PIP5K1B: variants seen among roughly 807,000 people sequenced by gnomAD.
PIP5K1B encodes the protein phosphatidylinositol 4-phosphate 5-kinase type-1 beta.
A neutral mutation model predicts 67.0 loss-of-function variants in PIP5K1B; 42 were observed. The observed-to-expected ratio is 0.63, with a 90% CI of 0.49 to 0.81. The LOEUF (loss-of-function observed/expected upper bound fraction) is 0.81, where lower values mean the gene tolerates loss of function less well. PIP5K1B is among the 30% of genes least tolerant of loss of function. PIP5K1B has a pLI of 0.00. For synonymous variants in PIP5K1B, 214 were observed against 231.4 expected, an observed-to-expected ratio of 0.92 and a Z score of 0.68; for missense variants, 459 against 646.3, an observed-to-expected ratio of 0.71 and a Z score of 3.14.
At chr9:69,003,466 T>TTAA (rs1554755635) in intron 15 of PIP5K1B, among the ~76,000 whole-genome samples, 1 of 16,516 alleles carries the variant, frequency 6.1e-5, no homozygotes, top group Non-Finnish European at 1.6e-4. Flanking sequence ...TAATTATAGT[T>TTAA]AAAAAAAAAA....
intron 2 of PIP5K1B, among the ~76,000 whole-genome samples, chr9:68,793,129 A>ATGTGTAT (rs6151015): frequency 6.6e-6 from 1 of 151,978 alleles, no homozygotes; most frequent in Non-Finnish European, 1.5e-5. Flanking sequence ...CATATAGTGT[A>ATGTGTAT]AGGAACAGGA....
intron 3 of PIP5K1B, among the ~76,000 whole-genome samples, chr9:68,820,861 G>A (rs1236976681): frequency 6.6e-6 from 1 of 152,198 alleles, no homozygotes; most frequent in Non-Finnish European, 1.5e-5. Flanking sequence ...CACATTTGAA[G>A]ATCAGATCTC....
intron 2 of PIP5K1B, among the ~76,000 whole-genome samples, chr9:68,793,687 A>G (rs570186373): frequency 3.3e-5 from 5 of 152,282 alleles, no homozygotes; most frequent in Non-Finnish European, 7.4e-5. Flanking sequence ...GGTGAGTGGC[A>G]TTAGCTGCTG....
intron 14 of PIP5K1B, among the ~76,000 whole-genome samples, chr9:68,944,067 T>A: frequency 6.6e-6 from 1 of 152,236 alleles, no homozygotes; most frequent in Middle Eastern, 3.2e-3. Flanking sequence ...TAGTATCATC[T>A]TAAAAGTATG....
chr9:68,882,560 T>C (rs939430431), intron 6 of PIP5K1B, among the ~76,000 whole-genome samples: 7 of 152,196 alleles, frequency 4.6e-5, no homozygotes, highest in African/African-American at 1.4e-4. Flanking sequence ...GAGACTTTAA[T>C]TGGGAGCAGA....
intron 6 of PIP5K1B, among the ~76,000 whole-genome samples, chr9:68,881,208 G>A (rs1306032608): frequency 6.6e-6 from 1 of 152,154 alleles, no homozygotes; most frequent in Non-Finnish European, 1.5e-5. Flanking sequence ...GAGAATCACA[G>A]ACCTCTTACC....
At chr9:68,780,166 T>A in intron 2 of PIP5K1B, 1 of 1,512,992 alleles carries the variant, frequency 6.6e-7, no homozygotes, top group Non-Finnish European at 8.8e-7. Flanking sequence ...GCCCCCGACA[T>A]GGCTCAGGAG....
chr9:68,719,209 TTACTA>T (rs1488572453), intron 1 of PIP5K1B, among the ~76,000 whole-genome samples: 1 of 152,222 alleles, frequency 6.6e-6, no homozygotes. Flanking sequence ...GATAATGTGT[TTACTA>T]TATTATGGTC....
chr9:68,942,949 A>C (rs1827635885), intron 14 of PIP5K1B, among the ~76,000 whole-genome samples: 1 of 152,178 alleles, frequency 6.6e-6, no homozygotes, highest in South Asian at 2.1e-4. Flanking sequence ...CCAGGCTGGC[A>C]CCAGGAAATC....
intron 2 of PIP5K1B, among the ~76,000 whole-genome samples, chr9:68,796,253 ATT>A (rs927106356): frequency 6.6e-6 from 1 of 151,746 alleles, no homozygotes; most frequent in African/African-American, 2.4e-5. Context: ...GTTGCATGTT[ATT>A]TTTTTCTGTG....
intron 6 of PIP5K1B, among the ~76,000 whole-genome samples, chr9:68,877,896 A>G (rs191983059): frequency 9.4e-4 from 143 of 152,274 alleles, no homozygotes; most frequent in African/African-American, 3.1e-3. Context: ...TCCCTAGCAT[A>G]CTGCTGCCCT....
intron 14 of PIP5K1B, among the ~76,000 whole-genome samples, chr9:68,972,721 G>A (rs1428609101): frequency 6.6e-6 from 1 of 152,142 alleles, no homozygotes; most frequent in Non-Finnish European, 1.5e-5. Flanking sequence ...AATGCTGGTT[G>A]TTAAGCCTTT....
At chr9:68,992,769 G>A (rs1253741500) in intron 15 of PIP5K1B, among the ~76,000 whole-genome samples, 1 of 147,044 alleles carries the variant, frequency 6.8e-6, no homozygotes, top group African/African-American at 2.5e-5. Flanking sequence ...GCACCTGGGA[G>A]GCGGAGGTTG....
In PIP5K1B at chr9:68,742,651, G is replaced by T. The variant is rs1288865871; in HGVS notation, c.-92G>T. ...CTCTAAAGGTCCTTCTAGGAGAGAG[G>T]TGAAAGGTAATTCTTTTGAAAATAC... On this transcript the variant is annotated 5_prime_UTR_variant, in exon 2 of 16. Transcript: ENST00000265382. 2 of 152,156 alleles carry T rather than the reference G, an allele frequency of 1.3e-5. No individual in the cohort carries two copies. The highest frequency in any genetic ancestry group is 4.8e-5 in the African/African-American group (2 of 41,420). The allele number at this position is 152,156 out of a possible 1,614,324, so 9.4% of individuals were successfully genotyped here.
chr9:68,826,542 G>A lies in PIP5K1B; in HGVS notation c.69+3859G>A, dbSNP rs185373747. Among the ~76,000 whole-genome samples the A allele has an allele frequency of 6.6e-3, 1,006 of 152,272 alleles. 5 individuals carry two copies. The highest frequency in any genetic ancestry group is 0.013 in the South Asian group (65 of 4,822). ...TTTGCCTGCAGGCCCTATCTGTCCC[G>A]TAGGCAGTGGCCAGTTTACAACCTC... On this transcript the variant is annotated intron_variant, in intron 4 of 15. Transcript: ENST00000265382.
Position 68,937,863 on chromosome 9 carries a change from G to A in PIP5K1B, c.1358-2783G>A, listed in dbSNP as rs139391040. Among the ~76,000 whole-genome samples, 125 of 152,116 alleles carry A rather than the reference G, an allele frequency of 8.2e-4. No homozygotes were observed. In the East Asian group the frequency reaches 0.012, roughly 15 times the overall value. ...TCTGCCTTCATTTTGTTATTTACCC[G>A]GTAGTCATTCAGGAGCAGGTTGTTC... On this transcript the variant is annotated intron_variant, in intron 13 of 15. Coordinates refer to ENST00000265382, the MANE Select transcript of PIP5K1B (RefSeq NM_003558.4).
At position 68,921,732 on chromosome 9, in the gene PIP5K1B, T is replaced by A. The variant is rs544330196; in HGVS notation, c.1117-1570T>A. Among the ~76,000 whole-genome samples, 4 of 152,278 alleles carry A rather than the reference T, an allele frequency of 2.6e-5. No individual in the cohort carries two copies. In the East Asian group the frequency reaches 7.7e-4, roughly 29 times the overall value. ...CAGACGTGGTGGCACATGCCTGTAATCCCAGCTATTCGGGAGGCTGAGGCA... is the reference window on the plus strand; with the variant it reads ...CAGACGTGGTGGCACATGCCTGTAAACCCAGCTATTCGGGAGGCTGAGGCA... On this transcript the variant is annotated intron_variant, in intron 11 of 15. Coordinates refer to ENST00000265382, the MANE Select transcript of PIP5K1B (RefSeq NM_003558.4).
At chr9:68,839,758 T>A (rs1212516803) in intron 4 of PIP5K1B, among the ~76,000 whole-genome samples, 1 of 152,212 alleles carries the variant, frequency 6.6e-6, no homozygotes, top group Non-Finnish European at 1.5e-5. Context: ...GAGCCTGAGA[T>A]GGAGACGTCT....
chr9:68,979,422 T>C (rs1290416999), intron 14 of PIP5K1B, among the ~76,000 whole-genome samples: 1 of 152,176 alleles, frequency 6.6e-6, no homozygotes, highest in Non-Finnish European at 1.5e-5. Flanking sequence ...TGTGTACATG[T>C]TGGGGTATGA....
Sources: allele counts gnomAD v4.1 joint callset (sites outside exome capture counted in the v4.1 genomes callset), GRCh38; gene constraint gnomAD v4.1.1; transcripts MANE v1.5; gene names NCBI Gene and HGNC (gene_info 2026-07-23, HGNC 2026-07-21).